The following XYLT1 variants were observed in gnomAD, a reference collection of about 807,000 sequenced individuals.
XYLT1 encodes the protein xylosyltransferase 1.
In XYLT1, 36 loss-of-function variants were observed where a neutral mutation model predicts 91.3. That is an observed-to-expected ratio of 0.39 (90% CI 0.30 to 0.52). The LOEUF is 0.52. XYLT1 is among the 20% of genes least tolerant of loss of function. The pLI, the probability that XYLT1 is intolerant of heterozygous loss-of-function variation, is 0.68. For missense variants in XYLT1, 1,242 were observed against 1,284.5 expected, an observed-to-expected ratio of 0.97 and a Z score of 0.51; for synonymous variants, 588 against 532.0, an observed-to-expected ratio of 1.11 and a Z score of -1.45.
intron 10 of XYLT1, among the ~76,000 whole-genome samples, chr16:17,120,970 CATCT>C (rs1029822979): frequency 1.3e-5 from 2 of 152,136 alleles, no homozygotes; most frequent in East Asian, 1.9e-4. Flanking sequence ...ATCATCTATC[CATCT>C]GTTTGCCTAT....
rs201153217 is a variant in XYLT1 at position 17,197,968 on chromosome 16, G to A, written c.1289+244C>T. 40 of 562,322 alleles carry A rather than the reference G, an allele frequency of 7.1e-5. No homozygotes were observed. In the East Asian group the frequency reaches 7.4e-4, roughly 10 times the overall value. The allele number at this position is 562,322 out of a possible 1,614,324, so 34.8% of individuals were successfully genotyped here. A position where few individuals can be genotyped will look rare whatever the true frequency, so the allele number is the denominator to read the frequency against. On this transcript the variant is annotated intron_variant, in intron 5 of 11. Transcript: ENST00000261381. ...AAGCTCCACGCGGGTTGGAGTTTCC[G>A]TCTGTTTAGTGCACTGGCATATCAG...
chr16:17,316,105 C>G (rs1454821810), intron 2 of XYLT1, among the ~76,000 whole-genome samples: 1 of 152,216 alleles, frequency 6.6e-6, no homozygotes, highest in East Asian at 1.9e-4. Context: ...ACAACACAAA[C>G]TATTCTCCCC....
chr16:17,138,449 C>T lies in XYLT1; in HGVS notation c.1670G>A (p.Arg557His), dbSNP rs749400547. 14 of 1,614,018 alleles carry T rather than the reference C, an allele frequency of 8.7e-6. No individual in the cohort carries two copies. Among genetic ancestry groups the T allele is most frequent in the East Asian group, 4.5e-5 (2 of 44,890 alleles). The change falls in exon 8 of 12, where the codon CGC becomes CAC. Residue 557 changes from arginine to histidine, a missense_variant. By Grantham distance (29) the Arg-to-His change is conservative (BLOSUM62 0). Transcript: ENST00000261381. ...GTACTGGCACTTGCAGCCCAGCTTG[C>T]GATTCCAGTTGGTGATGCGCAGGTT... ...DNNLRITNWN[R>H]KLGCKCQYKH...
At chr16:17,166,652 T>C (rs907810512) in intron 5 of XYLT1, among the ~76,000 whole-genome samples, 5 of 151,758 alleles carry the variant, frequency 3.3e-5, no homozygotes, top group Admixed American at 3.3e-4. Flanking sequence ...GCTGGAATTA[T>C]AGGCGTGCAC....
intron 5 of XYLT1, among the ~76,000 whole-genome samples, chr16:17,190,447 C>G (rs558257075): frequency 1.6e-5 from 2 of 121,554 alleles, no homozygotes; most frequent in Non-Finnish European, 3.4e-5. Flanking sequence ...CTCCCCCCTC[C>G]CCCCACCCCA....
intron 2 of XYLT1, among the ~76,000 whole-genome samples, chr16:17,267,599 C>T (rs113500570): frequency 2.0e-5 from 3 of 152,128 alleles, no homozygotes; most frequent in East Asian, 1.9e-4. Context: ...TTAGTAGAGA[C>T]GGGGTTTCAC....
chr16:17,245,082 T>C (rs550848745), intron 3 of XYLT1, among the ~76,000 whole-genome samples: 1 of 152,290 alleles, frequency 6.6e-6, no homozygotes, highest in Admixed American at 6.5e-5. Context: ...AAAACAAAAA[T>C]GTACACACAA....
chr16:17,123,811 G>A (rs1041130760), intron 10 of XYLT1, among the ~76,000 whole-genome samples: 1 of 152,090 alleles, frequency 6.6e-6, no homozygotes. Flanking sequence ...ATTGTTTTGG[G>A]AGCCCCAGTG....
intron 6 of XYLT1, 33 bp from the exon 7 acceptor site, chr16:17,141,402 G>A: frequency 6.3e-7 from 1 of 1,599,740 alleles, no homozygotes; most frequent in Non-Finnish European, 8.5e-7. Flanking sequence ...TAGCCCAGAG[G>A]TGTCCTGAAA....
At chr16:17,338,250 T>G (rs897812736) in intron 2 of XYLT1, 2 of 456,542 alleles carry the variant, frequency 4.4e-6, no homozygotes, top group Non-Finnish European at 8.8e-6. Flanking sequence ...CATCTCAAAC[T>G]GATCTTGGAC....
At chr16:17,290,748 C>G (rs1596467847) in intron 2 of XYLT1, among the ~76,000 whole-genome samples, 1 of 152,220 alleles carries the variant, frequency 6.6e-6, no homozygotes, top group Non-Finnish European at 1.5e-5. Flanking sequence ...AAGGGCAGAG[C>G]TGAGATTCAC....
intron 5 of XYLT1, among the ~76,000 whole-genome samples, chr16:17,170,795 C>A: frequency 6.6e-6 from 1 of 152,152 alleles, no homozygotes; most frequent in East Asian, 1.9e-4. Flanking sequence ...CCACATAGGT[C>A]TTCCTAACGC....
At chr16:17,332,555 C>T (rs1258262940) in intron 2 of XYLT1, among the ~76,000 whole-genome samples, 1 of 141,308 alleles carries the variant, frequency 7.1e-6, no homozygotes, top group African/African-American at 2.7e-5. Context: ...GAGCCAGAGT[C>T]CATCACACAC....
chr16:17,188,719 AT>A (rs1410936480), intron 5 of XYLT1, among the ~76,000 whole-genome samples: 1 of 152,134 alleles, frequency 6.6e-6, no homozygotes, highest in Non-Finnish European at 1.5e-5. Flanking sequence ...TCCTCTATTA[AT>A]AACCATGGCT....
intron 5 of XYLT1, among the ~76,000 whole-genome samples, chr16:17,172,199 CCTCT>C (rs2031835887): frequency 6.6e-6 from 1 of 152,080 alleles, no homozygotes; most frequent in African/African-American, 2.4e-5. Flanking sequence ...TTCCTTCCCT[CCTCT>C]CTCCCTTTTT....
In XYLT1 at chr16:17,245,353, G is replaced by T. The variant is rs750521026; in HGVS notation, c.913+13635C>A. Among the ~76,000 whole-genome samples the T allele has an allele frequency of 4.9e-4, 74 of 152,160 alleles. 3 individuals carry two copies. The highest frequency in any genetic ancestry group is 8.8e-5 in the Non-Finnish European group (6 of 68,044). ...CTCTTGGCAGCCTCCCAGTTCCTCT[G>T]AAAGGTTTCTCACTCTATCCATGCC... On this transcript the variant is annotated intron_variant, in intron 3 of 11. Transcript: ENST00000261381.
At chr16:17,278,688 C>T (rs1023103519) in intron 2 of XYLT1, among the ~76,000 whole-genome samples, 1 of 152,210 alleles carries the variant, frequency 6.6e-6, no homozygotes, top group African/African-American at 2.4e-5. Context: ...GCACGATTCT[C>T]TTGTTTCATC....
chr16:17,323,641 G>T (rs1349194062), intron 2 of XYLT1, among the ~76,000 whole-genome samples: 1 of 152,142 alleles, frequency 6.6e-6, no homozygotes, highest in African/African-American at 2.4e-5. Flanking sequence ...TGTAGCCCAG[G>T]GGACATTAGG....
In XYLT1 at chr16:17,312,836, C is replaced by T. The variant is rs1342338885; in HGVS notation, c.402+45176G>A. 1.3e-5 allele frequency among the ~76,000 whole-genome samples: 2 copies of T among 152,222 alleles called. No individual in the cohort carries two copies. Among genetic ancestry groups the T allele is most frequent in the African/African-American group, 2.4e-5 (1 of 41,456 alleles). On this transcript the variant is annotated intron_variant, in intron 2 of 11. Transcript: ENST00000261381. This position sits in a 1 kb window ranked among gnomAD's most constrained non-coding sequence, Gnocchi z 4.4. ...AAGCTACTATGCAGTGTTACTTCTC[C>T]GGCAAGTTCTGGTAACTAGTGCAAA... is the stretch of plus-strand genomic sequence containing the variant.
Sources: allele counts gnomAD v4.1 joint callset (sites outside exome capture counted in the v4.1 genomes callset), GRCh38; gene constraint gnomAD v4.1.1; non-coding constraint Gnocchi (gnomAD v3.1); transcripts MANE v1.5; gene names NCBI Gene and HGNC (gene_info 2026-07-23, HGNC 2026-07-21).